CSMD3: variants seen among roughly 807,000 people sequenced by gnomAD.
CSMD3 encodes CUB and sushi domain-containing protein 3.
CSMD3 carries 177 observed loss-of-function variants against 435.2 expected under a neutral mutation model. The observed-to-expected ratio is 0.41, with a 90% CI of 0.36 to 0.46. The LOEUF (loss-of-function observed/expected upper bound fraction) is 0.46. CSMD3 is among the 20% of genes least tolerant of loss of function. CSMD3 has a pLI of 0.34. For synonymous variants in CSMD3, 1,656 were observed against 1,520.5 expected (o/e 1.09, Z -2.07); for missense variants, 4,265 against 4,504.6 (o/e 0.95, Z 1.52).
intron 13 of CSMD3, among the ~76,000 whole-genome samples, chr8:112,765,680 T>C (rs563285278): frequency 1.3e-5 from 2 of 151,836 alleles, no homozygotes; most frequent in African/African-American, 4.8e-5. Context: ...TGCTAGAATT[T>C]TTTCCCATGT....
chr8:113,274,022 A>C (rs1330933712), intron 3 of CSMD3, among the ~76,000 whole-genome samples: 1 of 152,110 alleles, frequency 6.6e-6, no homozygotes, highest in East Asian at 1.9e-4. Flanking sequence ...GAAAATGTAA[A>C]GAATTTGATA....
At chr8:113,161,480 T>C (rs906735643) in intron 4 of CSMD3, among the ~76,000 whole-genome samples, 1 of 152,136 alleles carries the variant, frequency 6.6e-6, no homozygotes, top group African/African-American at 2.4e-5. Context: ...AATTATAGTA[T>C]ATAAACTTAA....
intron 3 of CSMD3, among the ~76,000 whole-genome samples, chr8:113,268,940 G>A (rs559900860): frequency 1.3e-5 from 2 of 151,976 alleles, no homozygotes; most frequent in East Asian, 3.9e-4. Context: ...CTGAATGAAA[G>A]AATAAAATAA....
rs571345274 is a variant in CSMD3 at position 112,531,855 on chromosome 8, T to C, written c.4565-14630A>G. On this transcript the variant is annotated intron_variant, in intron 27 of 70. Coordinates refer to ENST00000297405, the MANE Select transcript of CSMD3 (RefSeq NM_198123.2). ...CAAGCCTCAAGAACATTCAAGAAAA[T>C]ATGATCTAAGCAAACAGACTAACTA... Among the ~76,000 whole-genome samples, 18 of 151,982 alleles carry C rather than the reference T, an allele frequency of 1.2e-4. No individual in the cohort carries two copies. The South Asian group carries it at 3.3e-3, about 28-fold the overall frequency.
intron 56 of CSMD3, among the ~76,000 whole-genome samples, chr8:112,290,836 C>T (rs1819692667): frequency 6.6e-6 from 1 of 151,962 alleles, no homozygotes; most frequent in Non-Finnish European, 1.5e-5. Flanking sequence ...TATCAATTGA[C>T]TGAATTGCTA....
chr8:112,834,906 T>C (rs1260112382), intron 11 of CSMD3, among the ~76,000 whole-genome samples: 1 of 151,850 alleles, frequency 6.6e-6, no homozygotes. Flanking sequence ...ATTTAGCACA[T>C]AGGACTAATG....
At chr8:112,324,361 T>C (rs1823293860) in intron 45 of CSMD3, among the ~76,000 whole-genome samples, 1 of 152,140 alleles carries the variant, frequency 6.6e-6, no homozygotes, top group African/African-American at 2.4e-5. Flanking sequence ...TTTTGTATTG[T>C]ATTTGCATTT....
At chr8:113,179,430 T>A (rs1799240118) in intron 3 of CSMD3, among the ~76,000 whole-genome samples, 1 of 151,772 alleles carries the variant, frequency 6.6e-6, no homozygotes, top group Admixed American at 6.6e-5. Context: ...TCTTAAAAAT[T>A]AATTTAAAAA....
intron 16 of CSMD3, 112 bp from the exon 17 acceptor site, chr8:112,666,527 T>C (rs2075529991): frequency 2.3e-6 from 2 of 882,814 alleles, no homozygotes; most frequent in South Asian, 1.5e-5. Flanking sequence ...TATTAAATAG[T>C]TAATACTATT....
chr8:112,556,425 T>C (rs1828124348), intron 25 of CSMD3, among the ~76,000 whole-genome samples: 1 of 151,996 alleles, frequency 6.6e-6, no homozygotes, highest in Non-Finnish European at 1.5e-5. Flanking sequence ...ATTAAAAAAA[T>C]CTGGCCAATG....
rs1408290920 is a variant in CSMD3, at chr8:112,224,078, T to C, written c.*693A>G. On this transcript the variant is annotated 3_prime_UTR_variant, in exon 71 of 71. Transcript: ENST00000297405. ...CTGAATAATACTGGTTACTCCATAATGGGGGAATTGGGAGGGTAGCACAAT... is the reference window on the plus strand; with the variant it reads ...CTGAATAATACTGGTTACTCCATAACGGGGGAATTGGGAGGGTAGCACAAT... The C allele has an allele frequency of 3.3e-5, 5 of 152,790 alleles. No homozygotes were observed. The highest frequency in any genetic ancestry group is 9.7e-5 in the African/African-American group (4 of 41,404). 9.5% of individuals were successfully genotyped at this position (152,790 alleles called of 1,614,324 possible).
At chr8:112,462,121 T>C (rs894998915) in intron 32 of CSMD3, among the ~76,000 whole-genome samples, 2 of 152,190 alleles carry the variant, frequency 1.3e-5, no homozygotes, top group Admixed American at 6.5e-5. Context: ...GTTCACCTTG[T>C]TTCCCACTAT....
chr8:113,153,084 G>GAA (rs1419745822), intron 4 of CSMD3, among the ~76,000 whole-genome samples: 4 of 74,092 alleles, frequency 5.4e-5, no homozygotes, highest in Non-Finnish European at 8.7e-5. Context: ...GAAAAAGAAA[G>GAA]AAAGAAAGAA....
chr8:112,392,352 T>A (rs942881692), intron 35 of CSMD3, among the ~76,000 whole-genome samples: 19 of 151,380 alleles, frequency 1.3e-4, no homozygotes, highest in African/African-American at 4.3e-4. Flanking sequence ...GCAAACTTTT[T>A]AAAATAGTGT....
intron 13 of CSMD3, among the ~76,000 whole-genome samples, chr8:112,722,870 T>C (rs1404208704): frequency 6.6e-6 from 1 of 152,180 alleles, no homozygotes; most frequent in African/African-American, 2.4e-5. Flanking sequence ...GATGACTCAC[T>C]TGTAACTGAA....
At chr8:112,548,371 T>G (rs531950636) in intron 27 of CSMD3, among the ~76,000 whole-genome samples, 1 of 152,264 alleles carries the variant, frequency 6.6e-6, no homozygotes, top group South Asian at 2.1e-4. Flanking sequence ...AATATATAAC[T>G]GAAAGCTTTC....
chr8:112,689,784 G>T, intron 14 of CSMD3, 84 bp downstream of exon 14: 1 of 1,191,346 alleles, frequency 8.4e-7, no homozygotes, highest in Non-Finnish European at 1.2e-6. Context: ...CACGGTTGCA[G>T]CTCTTTGCAA....
chr8:112,436,694 T>C (rs1472157416), intron 32 of CSMD3, among the ~76,000 whole-genome samples: 1 of 151,718 alleles, frequency 6.6e-6, no homozygotes, highest in East Asian at 1.9e-4. Flanking sequence ...TGTGTATACA[T>C]ATACAGATAT....
At chr8:112,871,070 A>G (rs1036973210) in intron 10 of CSMD3, among the ~76,000 whole-genome samples, 1 of 152,196 alleles carries the variant, frequency 6.6e-6, no homozygotes, top group Non-Finnish European at 1.5e-5. Flanking sequence ...TTTCCATGGT[A>G]ACATTTGATA....
Sources: allele counts gnomAD v4.1 joint callset (sites outside exome capture counted in the v4.1 genomes callset), GRCh38; gene constraint gnomAD v4.1.1; transcripts MANE v1.5; gene names NCBI Gene and HGNC (gene_info 2026-07-23, HGNC 2026-07-21).